TLK1: variants seen among roughly 807,000 people sequenced by gnomAD.
TLK1 encodes the protein serine/threonine-protein kinase tousled-like 1.
In TLK1, 24 loss-of-function variants were observed where a neutral mutation model predicts 105.3. The ratio of observed to expected loss-of-function variants is 0.23; its 90% confidence interval spans 0.17 to 0.32. TLK1 has a LOEUF of 0.32. TLK1 is among the 10% of genes least tolerant of loss of function. The pLI, the probability that TLK1 is intolerant of heterozygous loss-of-function variation, is 1.00. For missense variants in TLK1, 558 were observed against 910.5 expected (o/e 0.61, Z 4.98); for synonymous variants, 321 against 310.4 (o/e 1.03, Z -0.36).
intron 8 of TLK1, 45 bp from the exon 9 acceptor site, chr2:171,050,219 T>C (rs1337343855): frequency 1.5e-6 from 2 of 1,357,420 alleles, no homozygotes; most frequent in Middle Eastern, 1.9e-4. Context: ...CTGGGGAATA[T>C]GAAAAGCTTA....
At chr2:171,045,018 AG>A (rs1686879782) in intron 11 of TLK1, among the ~76,000 whole-genome samples, 1 of 152,034 alleles carries the variant, frequency 6.6e-6, no homozygotes, top group Non-Finnish European at 1.5e-5. Flanking sequence ...TAGAGACTAA[AG>A]GGATTTGTAA....
At chr2:171,173,707 A>ATTTGTT (rs770431597) in intron 1 of TLK1, among the ~76,000 whole-genome samples, 8 of 152,054 alleles carry the variant, frequency 5.3e-5, no homozygotes, top group Non-Finnish European at 1.2e-4. Context: ...TGACTCTTTA[A>ATTTGTT]TTTGTTTCTT....
chr2:171,145,189 T>A (rs552831817), intron 1 of TLK1, among the ~76,000 whole-genome samples: 4 of 151,966 alleles, frequency 2.6e-5, no homozygotes, highest in African/African-American at 7.2e-5. Flanking sequence ...ACGCATGTAG[T>A]CCTAGCTACT....
At chr2:171,117,279 T>C (rs1690475891) in intron 2 of TLK1, among the ~76,000 whole-genome samples, 2 of 152,176 alleles carry the variant, frequency 1.3e-5, no homozygotes, top group Admixed American at 1.3e-4. Flanking sequence ...ATCAAACAGG[T>C]GGAGCTCAGG....
At chr2:171,052,453 G>A (rs1687288006) in intron 8 of TLK1, among the ~76,000 whole-genome samples, 1 of 152,064 alleles carries the variant, frequency 6.6e-6, no homozygotes, top group South Asian at 2.1e-4. Flanking sequence ...AGAAAAAGTA[G>A]AAATAAAATG....
At position 171,218,910 on chromosome 2, in the gene TLK1, T is replaced by C. The variant is rs935096535; in HGVS notation, c.-6+12235A>G. On this transcript the variant is annotated intron_variant, in intron 1 of 20. Transcript: ENST00000521943. ...CAAACATTCAAACCATAGCACATAG[T>C]AAATTTTATATTTTGTGTATTTTGC... Among the ~76,000 whole-genome samples the C allele has an allele frequency of 2.6e-5, 4 of 152,150 alleles. No homozygotes were observed. In the South Asian group the frequency reaches 6.2e-4, roughly 24 times the overall value.
chr2:171,188,268 T>C (rs1200641396), intron 1 of TLK1, among the ~76,000 whole-genome samples: 3 of 152,174 alleles, frequency 2.0e-5, no homozygotes, highest in Non-Finnish European at 4.4e-5. Flanking sequence ...GATCCTAATA[T>C]GGGCATTGAG....
At chr2:171,066,432 T>C (rs1428755840) in intron 3 of TLK1, among the ~76,000 whole-genome samples, 1 of 152,204 alleles carries the variant, frequency 6.6e-6, no homozygotes, top group African/African-American at 2.4e-5. Flanking sequence ...CTAAAATATG[T>C]GCTGTCTTAC....
At chr2:171,126,035 A>T (rs1220178698) in intron 1 of TLK1, among the ~76,000 whole-genome samples, 2 of 152,214 alleles carry the variant, frequency 1.3e-5, no homozygotes, top group Non-Finnish European at 2.9e-5. Context: ...ATTACAATAA[A>T]TGTTTATAAT....
rs1277611768 is a variant in TLK1 at position 171,207,951 on chromosome 2, T to G, written c.-6+23194A>C. Among the ~76,000 whole-genome samples, 8 of 152,104 alleles carry G rather than the reference T, an allele frequency of 5.3e-5. No individual in the cohort carries two copies. The South Asian group carries it at 1.0e-3, about 20-fold the overall frequency. ...CATGTTGGTCAGGCTGGTCTCGAAC[T>G]CCTGACCTCAAGTGATCTGCCTGCC... is the stretch of plus-strand genomic sequence containing the variant. On this transcript the variant is annotated intron_variant, in intron 1 of 20. Transcript: ENST00000521943.
intron 1 of TLK1, among the ~76,000 whole-genome samples, chr2:171,190,808 T>C (rs545729052): frequency 6.6e-6 from 1 of 152,362 alleles, no homozygotes; most frequent in South Asian, 2.1e-4. Flanking sequence ...TTTATCAGTT[T>C]TTAAAATCTA....
intron 1 of TLK1, among the ~76,000 whole-genome samples, chr2:171,227,969 A>G (rs1693932483): frequency 6.6e-6 from 1 of 152,122 alleles, no homozygotes; most frequent in Non-Finnish European, 1.5e-5. Context: ...TGAGGTCAGG[A>G]GTTCAAGACC....
At chr2:171,128,757 T>A (rs1690973606) in intron 1 of TLK1, among the ~76,000 whole-genome samples, 1 of 152,090 alleles carries the variant, frequency 6.6e-6, no homozygotes, top group East Asian at 1.9e-4. Flanking sequence ...TACATGTATA[T>A]ATATATACAC....
At chr2:171,060,089 T>G (rs1687681651) in intron 4 of TLK1, 5 of 1,525,670 alleles carry the variant, frequency 3.3e-6, no homozygotes, top group Non-Finnish European at 4.4e-6. Flanking sequence ...CAAATATAAG[T>G]GAGGAAGGTG....
intron 1 of TLK1, among the ~76,000 whole-genome samples, chr2:171,120,370 T>G (rs1690605933): frequency 6.7e-6 from 1 of 149,284 alleles, no homozygotes; most frequent in Admixed American, 6.7e-5. Flanking sequence ...ACCCACAGAA[T>G]GGAAAAAATA....
chr2:171,069,032 A>G (rs970006791), intron 3 of TLK1, among the ~76,000 whole-genome samples: 14 of 152,236 alleles, frequency 9.2e-5, no homozygotes, highest in Non-Finnish European at 1.8e-4. Context: ...TCTAAAAGCA[A>G]CATTTATCAG....
intron 20 of TLK1, among the ~76,000 whole-genome samples, chr2:170,994,361 A>G (rs1030862585): frequency 4.6e-5 from 7 of 152,100 alleles, no homozygotes; most frequent in African/African-American, 9.7e-5. Context: ...CTACTGACAT[A>G]AAGACTTTCT....
chr2:171,069,307 T>C (rs752374869), intron 3 of TLK1, among the ~76,000 whole-genome samples: 3 of 152,238 alleles, frequency 2.0e-5, no homozygotes, highest in Non-Finnish European at 4.4e-5. Flanking sequence ...TGTGTGACTA[T>C]GGACAAATTA....
chr2:171,114,007 T>C (rs1254906069), intron 2 of TLK1, among the ~76,000 whole-genome samples: 1 of 152,196 alleles, frequency 6.6e-6, no homozygotes, highest in Non-Finnish European at 1.5e-5. Context: ...TTATTGTTAA[T>C]AGAATAAAAC....
Sources: gnomAD v4.1 joint callset for allele counts (sites outside exome capture counted in the v4.1 genomes callset) on GRCh38, gnomAD v4.1.1 for gene constraint, MANE v1.5 for transcripts, NCBI Gene and HGNC (gene_info 2026-07-23, HGNC 2026-07-21) for gene names.